The following CCDC18 variants were observed in gnomAD, a reference collection of about 807,000 sequenced individuals.
The protein encoded by CCDC18 is coiled-coil domain containing 18.
In CCDC18, 157 loss-of-function variants were observed where a neutral mutation model predicts 196.0. The ratio of observed to expected loss-of-function variants is 0.80; its 90% CI spans 0.70 to 0.91. The LOEUF is 0.91. Ranked by LOEUF, CCDC18 falls within the 40% of genes least tolerant of loss-of-function variation. The probability of loss-of-function intolerance (pLI) is 0.00; values close to 1 mark genes in which losing one functional copy is unlikely to be tolerated. For synonymous variants in CCDC18, 482 were observed against 529.2 expected (o/e 0.91, Z 1.22); for missense variants, 1,465 against 1,611.6 (o/e 0.91, Z 1.56).
chr1:93,185,857 A>G lies in CCDC18; in HGVS notation c.304-488A>G, dbSNP rs1650576654. Among the ~76,000 whole-genome samples, 6 of 151,688 alleles carry G rather than the reference A, an allele frequency of 4.0e-5. No homozygotes were observed. The South Asian group carries it at 1.2e-3, about 31-fold the overall frequency. On this transcript the variant is annotated intron_variant, in intron 3 of 28. Coordinates refer to ENST00000690025, the MANE Select transcript of CCDC18 (RefSeq NM_001378204.1). The stretch of plus-strand genomic sequence containing the variant: ...TTTGAAAATCACAATCCTCATGAAA[A>G]TTAAATGTATTGTAAAATATATATA...
At chr1:93,246,247 GAC>G in intron 22 of CCDC18, 43 bp downstream of exon 22, 4 of 1,406,534 alleles carry the variant, frequency 2.8e-6, no homozygotes, top group Non-Finnish European at 3.9e-6. Context: ...TTTCTGTTAT[GAC>G]ACAGTCACAC....
At chr1:93,255,347 C>T (rs1662816086) in intron 24 of CCDC18, among the ~76,000 whole-genome samples, 1 of 152,268 alleles carries the variant, frequency 6.6e-6, no homozygotes, top group Admixed American at 6.5e-5. Context: ...ACCAAGTGCA[C>T]TGAGTTGCCA....
At chr1:93,264,601 AAG>A in intron 26 of CCDC18, 98 bp from the exon 27 acceptor site, 2 of 681,894 alleles carry the variant, frequency 2.9e-6, no homozygotes, top group Non-Finnish European at 5.0e-6. Flanking sequence ...ACTTTTTTTA[AAG>A]AAAAAGTAAA....
At chr1:93,263,699 G>A (rs1664118590) in intron 26 of CCDC18, among the ~76,000 whole-genome samples, 1 of 152,136 alleles carries the variant, frequency 6.6e-6, no homozygotes, top group African/African-American at 2.4e-5. Context: ...CCTGTCTTCT[G>A]ATTCCTCCAA....
intron 17 of CCDC18, among the ~76,000 whole-genome samples, chr1:93,228,963 C>T (rs780777861): frequency 9.9e-5 from 15 of 152,002 alleles, no homozygotes; most frequent in Non-Finnish European, 1.5e-4. Context: ...TGCTTTGTCA[C>T]CCAGGCTGGA....
In CCDC18 at chr1:93,232,599, T is replaced by C. The variant is rs775477437; in HGVS notation, c.2460+6T>C. ...AAACTAAACTTGAAAAACAGGTATA[T>C]ATTATTAGCCCAAGATTGTTTTATT... On this transcript the variant is annotated splice_donor_region_variant and intron_variant, in intron 18 of 28. Coordinates refer to ENST00000690025, the MANE Select transcript of CCDC18 (RefSeq NM_001378204.1). The C allele has an allele frequency of 2.4e-5, 37 of 1,552,028 alleles. No homozygotes were observed. The African/African-American group carries it at 4.7e-4, about 20-fold the overall frequency.
At chr1:93,206,741 T>C (rs1033977378) in intron 8 of CCDC18, among the ~76,000 whole-genome samples, 3 of 152,150 alleles carry the variant, frequency 2.0e-5, no homozygotes, top group African/African-American at 7.2e-5. Flanking sequence ...CAAAACTTTG[T>C]TGATAATGTG....
At chr1:93,179,996 G>A (rs1163052531), upstream of CCDC18, 17 of 1,532,616 alleles carry the variant, frequency 1.1e-5, no homozygotes, top group South Asian at 1.2e-5. Flanking sequence ...CGGGTGAGAG[G>A]CGACAACGCA....
intron 4 of CCDC18, among the ~76,000 whole-genome samples, chr1:93,189,393 T>G (rs1474905261): frequency 6.6e-6 from 1 of 152,236 alleles, no homozygotes; most frequent in African/African-American, 2.4e-5. Flanking sequence ...CTTAGGTTGC[T>G]TCTAAATCTT....
At chr1:93,186,614 A>G in intron 4 of CCDC18, 111 bp downstream of exon 4, 1 of 726,784 alleles carries the variant, frequency 1.4e-6, no homozygotes. Context: ...TATGGGAAGT[A>G]ATTTTCATTA....
Position 93,193,593 on chromosome 1 carries a change from A to C in CCDC18, c.570-23A>C, listed in dbSNP as rs759677378. The stretch of plus-strand genomic sequence containing the variant: ...GGGATAATCTCTTTAGTAGTCTTAA[A>C]CAAAGTATCCTTTATTTTATAGAGA... On this transcript the variant is annotated intron_variant, in intron 5 of 28. Transcript: ENST00000690025. 20 of 1,529,220 alleles carry C rather than the reference A, an allele frequency of 1.3e-5. No homozygotes were observed. The African/African-American group carries it at 2.6e-4, about 20-fold the overall frequency. The allele number at this position is 1,529,220 out of a possible 1,614,324, so 94.7% of individuals were successfully genotyped here. A position where few individuals can be genotyped will look rare whatever the true frequency, so the allele number is the denominator to read the frequency against.
upstream of CCDC18, chr1:93,180,279 G>C (rs1442770121): frequency 6.4e-6 from 10 of 1,571,222 alleles, no homozygotes; most frequent in African/African-American, 1.4e-5. Context: ...AGAGGCGTCA[G>C]GTACTGTTGT....
chr1:93,269,621 A>ATATC (rs1387625771), intron 27 of CCDC18: 2 of 152,182 alleles, frequency 1.3e-5, no homozygotes, highest in African/African-American at 4.8e-5. Context: ...TTAGAAATAT[A>ATATC]TATCTTATGG....
chr1:93,180,755 G>C lies in CCDC18; in HGVS notation c.-100G>C. On this transcript the variant is annotated 5_prime_UTR_variant, in exon 1 of 29. Coordinates refer to ENST00000690025, the MANE Select transcript of CCDC18 (RefSeq NM_001378204.1). ...AATTCTGTGCTGCCGGGGTTCGCTG[G>C]TTCTCCGAGTTGTGTCCGAGGCTTC... 1 of 1,367,182 alleles carries C rather than the reference G, an allele frequency of 7.3e-7. No homozygotes were observed. The highest frequency in any genetic ancestry group is 9.8e-7 in the Non-Finnish European group (1 of 1,021,640). 84.7% of individuals were successfully genotyped at this position (1,367,182 alleles called of 1,614,324 possible). A position where few individuals can be genotyped will look rare whatever the true frequency, so the allele number is the denominator to read the frequency against.
At chr1:93,265,096 A>C (rs2101348545) in intron 27 of CCDC18, 195 bp downstream of exon 27, 1 of 506,048 alleles carries the variant, frequency 2.0e-6, no homozygotes, top group Non-Finnish European at 3.6e-6. Context: ...AGAAGATATA[A>C]TTTATAAATG....
chr1:93,210,908 TGGTGATTTC>T lies in CCDC18; in HGVS notation c.1319_1327del (p.Val440_Ser442del). On this transcript the variant is annotated inframe_deletion, in exon 10 of 29. Coordinates refer to ENST00000690025, the MANE Select transcript of CCDC18 (RefSeq NM_001378204.1). The stretch of plus-strand genomic sequence containing the variant: ...ATTGGCTGCTGTGAGGCAAATAAAT[TGGTGATTTC>T]GGAATTGAGGTACAATTTTCAGATT... 1 of 1,613,776 alleles carries T rather than the reference TGGTGATTTC, an allele frequency of 6.2e-7. No individual in the cohort carries two copies. Among genetic ancestry groups the T allele is most frequent in the Non-Finnish European group, 8.5e-7 (1 of 1,179,820 alleles).
In CCDC18 at chr1:93,216,657, C is replaced by G; in HGVS notation, c.1741C>G (p.Leu581Val). ...TCAGATGACAAAGAAATGTTCTCAA[C>G]TTTTAACTCTTGAGAAACAGCTGGA... ...ESEMTKKCSQ[L>V]LTLEKQLEEK... Residue 581 changes from leucine to valine, a missense_variant, in exon 13 of 29, where the codon CTT becomes GTT. Transcript: ENST00000690025. The G allele has an allele frequency of 1.3e-6, 2 of 1,556,568 alleles. No homozygotes were observed. Among genetic ancestry groups the G allele is most frequent in the Non-Finnish European group, 1.7e-6 (2 of 1,150,448 alleles).
Position 93,278,666 on chromosome 1 carries a change from T to G in CCDC18, c.*189T>G, listed in dbSNP as rs935420001. 1.2e-5 allele frequency: 4 copies of G among 327,964 alleles called. No homozygotes were observed. The Admixed American group carries it at 1.4e-4, about 12-fold the overall frequency. 20.3% of individuals were successfully genotyped at this position (327,964 alleles called of 1,614,324 possible). A position where few individuals can be genotyped will look rare whatever the true frequency, so the allele number is the denominator to read the frequency against. ...TAAAGAAAATTTATTATTTTATTTA[T>G]TGTTTTTTGGCTTAAACTTGCTGCT... On this transcript the variant is annotated 3_prime_UTR_variant, in exon 29 of 29. Coordinates refer to ENST00000690025, the MANE Select transcript of CCDC18 (RefSeq NM_001378204.1).
rs866719883 is a variant in CCDC18 at position 93,246,799 on chromosome 1, C to T, written c.3082-39C>T. ...ATTCTAAGCATACAAGTTTTTATAT[C>T]AGAATAAAATTGAACAACAGTTTAA... On this transcript the variant is annotated intron_variant, in intron 22 of 28. Transcript: ENST00000690025. 4.4e-6 allele frequency: 4 copies of T among 907,382 alleles called. No individual in the cohort carries two copies. The Middle Eastern group carries it at 8.8e-4, about 199-fold the overall frequency. 56.2% of individuals were successfully genotyped at this position (907,382 alleles called of 1,614,324 possible).
Sources: gnomAD v4.1 joint callset for allele counts (sites outside exome capture counted in the v4.1 genomes callset) on GRCh38, gnomAD v4.1.1 for gene constraint, MANE v1.5 for transcripts, NCBI Gene and HGNC (gene_info 2026-07-23, HGNC 2026-07-21) for gene names.